The following RIMBP2 variants were observed in gnomAD, a reference collection of about 807,000 sequenced individuals.
RIMBP2 encodes the protein RIMS binding protein 2.
A neutral mutation model predicts 118.6 loss-of-function variants in RIMBP2; 48 were observed. That is an observed-to-expected ratio of 0.40 (90% CI 0.32 to 0.51). The LOEUF (loss-of-function observed/expected upper bound fraction) is 0.51, where lower values mean the gene tolerates loss of function less well. RIMBP2 is among the 20% of genes least tolerant of loss of function. The pLI is 0.41. For missense variants in RIMBP2, 1,551 were observed against 1,768.3 expected, an observed-to-expected ratio of 0.88 and a Z score of 2.20; for synonymous variants, 762 against 742.9, an observed-to-expected ratio of 1.03 and a Z score of -0.42.
Position 130,424,319 on chromosome 12 carries a change from G to A in RIMBP2, c.2952C>T (p.Leu984=). 1 of 1,231,614 alleles carries A rather than the reference G, an allele frequency of 8.1e-7. No individual in the cohort carries two copies. The highest frequency in any genetic ancestry group is 1.0e-6 in the Non-Finnish European group (1 of 987,822). The allele number at this position is 1,231,614 out of a possible 1,614,324, so 76.3% of individuals were successfully genotyped here. ...FGEQVGPGGL[L]RNDDPQPGPE... is the part of the protein sequence containing the mutation. The stretch of plus-strand genomic sequence containing the variant: ...GGCCGGGCTGGGGGTCGTCGTTCCT[G>A]AGGAGGCCACCAGGGCCCACCTGCT... Residue 984 remains leucine, a synonymous_variant, in exon 16 of 23, where the codon CTC becomes CTT. Coordinates refer to ENST00000690449, the MANE Select transcript of RIMBP2 (RefSeq NM_001393629.1). The surrounding 1 kb of genome is among the most constrained non-coding windows in gnomAD (Gnocchi z 9.8).
chr12:130,623,233 CTT>C lies in RIMBP2; in HGVS notation c.-217+5087_-217+5088del, dbSNP rs756895912. ...TTAGCTTTTTCTATATATTTCAACA[CTT>C]ATACAAATAGAAGCACTTTTATTTT... is the stretch of plus-strand genomic sequence containing the variant. On this transcript the variant is annotated intron_variant, in intron 2 of 22. Coordinates refer to ENST00000690449, the MANE Select transcript of RIMBP2 (RefSeq NM_001393629.1). The surrounding 1 kb of genome is among the most constrained non-coding windows in gnomAD (Gnocchi z 4.1). Among the ~76,000 whole-genome samples the C allele has an allele frequency of 9.9e-5, 15 of 152,196 alleles. No homozygotes were observed. Among genetic ancestry groups the C allele is most frequent in the Non-Finnish European group, 1.9e-4 (13 of 68,044 alleles).
intron 2 of RIMBP2, among the ~76,000 whole-genome samples, chr12:130,605,007 C>A (rs969635942): frequency 5.9e-5 from 9 of 152,060 alleles, no homozygotes; most frequent in African/African-American, 2.2e-4. Flanking sequence ...TCACATCCTG[C>A]ACAGGTGTGT....
At chr12:130,493,133 C>A (rs1029761871) in intron 4 of RIMBP2, among the ~76,000 whole-genome samples, 7 of 151,840 alleles carry the variant, frequency 4.6e-5, no homozygotes, top group African/African-American at 1.7e-4. Context: ...GAGATCGTAG[C>A]TCAAAAAACC....
chr12:130,569,315 A>G (rs564039690), intron 2 of RIMBP2, among the ~76,000 whole-genome samples: 12 of 152,332 alleles, frequency 7.9e-5, no homozygotes, highest in African/African-American at 2.6e-4. Context: ...AAGCCTTGTT[A>G]GCTTAAAGAG....
At chr12:130,474,632 G>T (rs1162938124) in intron 5 of RIMBP2, among the ~76,000 whole-genome samples, 1 of 152,214 alleles carries the variant, frequency 6.6e-6, no homozygotes, top group African/African-American at 2.4e-5. Flanking sequence ...TGAGAGAAAT[G>T]AACCAGTTCT....
At chr12:130,586,016 A>G (rs1403516134) in intron 2 of RIMBP2, among the ~76,000 whole-genome samples, 1 of 152,232 alleles carries the variant, frequency 6.6e-6, no homozygotes, top group Non-Finnish European at 1.5e-5. Flanking sequence ...GCTGAAATGT[A>G]TTTTAGTAGC....
Position 130,480,237 on chromosome 12 carries a change from C to CACACACACACACG in RIMBP2, c.-3-1222_-3-1221insCGTGTGTGTGTGT, listed in dbSNP as rs59071818. Among the ~76,000 whole-genome samples, 453 of 150,308 alleles carry CACACACACACACG rather than the reference C, an allele frequency of 3.0e-3. 1 individual carries two copies. The highest frequency in any genetic ancestry group is 0.01 in the East Asian group (52 of 5,086). ...CACACACACACACACACACACACAC[C>CACACACACACACG]TGTGGTAACTTCGTGGTCAACATTT... On this transcript the variant is annotated intron_variant, in intron 4 of 22. Coordinates refer to ENST00000690449, the MANE Select transcript of RIMBP2 (RefSeq NM_001393629.1).
intron 5 of RIMBP2, among the ~76,000 whole-genome samples, chr12:130,473,825 A>T (rs2081210334): frequency 6.6e-6 from 1 of 152,180 alleles, no homozygotes; most frequent in Admixed American, 6.5e-5. Context: ...TGAGGCCGAC[A>T]ATCTGAGGGC....
At chr12:130,397,652 G>A (rs953801778) in intron 22 of RIMBP2, 103 bp from the exon 23 acceptor site, 2 of 397,014 alleles carry the variant, frequency 5.0e-6, no homozygotes, top group African/African-American at 2.1e-5. Context: ...AAAGGTCAGG[G>A]GGGTTCATTT....
intron 2 of RIMBP2, among the ~76,000 whole-genome samples, chr12:130,613,682 C>T (rs950337000): frequency 4.0e-5 from 6 of 151,874 alleles, no homozygotes; most frequent in Admixed American, 6.6e-5. Context: ...GGTGTGGTGG[C>T]GGGTGCCTGT....
chr12:130,514,229 TCAGA>T (rs2138987667), intron 3 of RIMBP2, among the ~76,000 whole-genome samples: 1 of 152,326 alleles, frequency 6.6e-6, no homozygotes, highest in Admixed American at 6.5e-5. Flanking sequence ...CTGGGCTCCC[TCAGA>T]CACCCATAAG....
intron 4 of RIMBP2, among the ~76,000 whole-genome samples, chr12:130,480,198 TACACACACAC>T (rs10580090): frequency 0.62 from 79,708 of 128,038 alleles, 22,851 homozygotes; most frequent in Admixed American, 0.71. Context: ...TTTCCTTTCA[TACACACACAC>T]ACACACACAC....
intron 3 of RIMBP2, among the ~76,000 whole-genome samples, chr12:130,507,374 A>G (rs1593574078): frequency 6.6e-6 from 1 of 152,334 alleles, no homozygotes; most frequent in East Asian, 1.9e-4. Context: ...ACTTGGACCA[A>G]TAGATTCTCC....
intron 17 of RIMBP2, among the ~76,000 whole-genome samples, chr12:130,417,043 A>G (rs2076145175): frequency 6.6e-6 from 1 of 152,244 alleles, no homozygotes; most frequent in African/African-American, 2.4e-5. Context: ...ACAATGAGAT[A>G]CCATCTCACA....
intron 12 of RIMBP2, among the ~76,000 whole-genome samples, chr12:130,437,793 T>C (rs905900431): frequency 6.6e-6 from 1 of 152,176 alleles, no homozygotes; most frequent in African/African-American, 2.4e-5. Flanking sequence ...ACTGCCTCTG[T>C]TCCCAAGTCA....
At chr12:130,479,634 C>A (rs994884972) in intron 4 of RIMBP2, among the ~76,000 whole-genome samples, 2 of 139,694 alleles carry the variant, frequency 1.4e-5, no homozygotes, top group East Asian at 4.8e-4. Context: ...CGCACCCTCC[C>A]GGGAGCTTCC....
intron 1 of RIMBP2, among the ~76,000 whole-genome samples, chr12:130,660,961 G>A (rs1008568049): frequency 1.3e-5 from 2 of 152,214 alleles, no homozygotes. Flanking sequence ...GCTCACGCCT[G>A]TAATCCCAGC....
Position 130,431,359 on chromosome 12 carries a change from C to A in RIMBP2, c.2254-3022G>T. 2.8e-6 allele frequency: 1 copy of A among 356,262 alleles called. No homozygotes were observed. Among genetic ancestry groups the A allele is most frequent in the Non-Finnish European group, 5.9e-6 (1 of 169,134 alleles). 22.1% of individuals were successfully genotyped at this position (356,262 alleles called of 1,614,324 possible). A position where few individuals can be genotyped will look rare whatever the true frequency, so the allele number is the denominator to read the frequency against. On this transcript the variant is annotated intron_variant, in intron 14 of 22. Coordinates refer to ENST00000690449, the MANE Select transcript of RIMBP2 (RefSeq NM_001393629.1). This position sits in a 1 kb window ranked among gnomAD's most constrained non-coding sequence, Gnocchi z 4.0. ...GGAAGCGGATGGTCAGGGAACACTT[C>A]CCGGGTTGTAAAACTGGCAGTCTGT...
intron 2 of RIMBP2, among the ~76,000 whole-genome samples, chr12:130,560,579 G>C (rs61934605): frequency 0.063 from 9,573 of 152,198 alleles, 393 homozygotes; most frequent in Non-Finnish European, 0.093. Flanking sequence ...ATAAACCATG[G>C]GTTACGCTTT....
Sources: gnomAD v4.1 joint callset for allele counts (sites outside exome capture counted in the v4.1 genomes callset) on GRCh38, gnomAD v4.1.1 for gene constraint, Gnocchi (gnomAD v3.1) non-coding constraint, MANE v1.5 for transcripts, NCBI Gene and HGNC (gene_info 2026-07-23, HGNC 2026-07-21) for gene names.